The following PTCD3 variants were observed in gnomAD, a reference collection of about 807,000 sequenced individuals.
The protein encoded by PTCD3 is small ribosomal subunit protein mS39.
PTCD3 carries 89 observed loss-of-function variants against 101.9 expected under a neutral mutation model. The ratio of observed to expected loss-of-function variants is 0.87; its 90% confidence interval spans 0.74 to 1.04. The LOEUF is 1.04. PTCD3 is among the 50% of genes least tolerant of loss of function. The pLI is 0.00. For missense variants in PTCD3, 870 were observed against 828.2 expected (o/e 1.05, Z -0.62); for synonymous variants, 296 against 278.5 (o/e 1.06, Z -0.63).
chr2:86,121,221 A>G (rs1674273716), intron 7 of PTCD3, among the ~76,000 whole-genome samples: 1 of 152,214 alleles, frequency 6.6e-6, no homozygotes, highest in Non-Finnish European at 1.5e-5. Context: ...ATGAGTACAT[A>G]AAATAAGTGA....
At chr2:86,130,385 G>A (rs778252686) in intron 14 of PTCD3, among the ~76,000 whole-genome samples, 46 of 152,194 alleles carry the variant, frequency 3.0e-4, no homozygotes, top group Non-Finnish European at 2.8e-4. Flanking sequence ...CAGTAAGTCA[G>A]GCTTCATGTG....
chr2:86,127,703 C>T (rs184578991), intron 13 of PTCD3: 97 of 532,192 alleles, frequency 1.8e-4, no homozygotes, highest in African/African-American at 1.6e-3. Flanking sequence ...TTACTGTTCT[C>T]AGTGAAGAAT....
rs1028999810 is a variant in PTCD3 at position 86,138,439 on chromosome 2, T to G, written c.*880T>G. On this transcript the variant is annotated 3_prime_UTR_variant, in exon 24 of 24. Transcript: ENST00000254630. ...CATGAGGGCTTCTACCACTGACCAC[T>G]TTGCACGTACCTGGCTCCCAGATTT... 6.6e-6 allele frequency: 1 copy of G among 152,218 alleles called. No individual in the cohort carries two copies. Among genetic ancestry groups the G allele is most frequent in the East Asian group, 1.9e-4 (1 of 5,192 alleles). The allele number at this position is 152,218 out of a possible 1,614,324, so 9.4% of individuals were successfully genotyped here. A position where few individuals can be genotyped will look rare whatever the true frequency, so the allele number is the denominator to read the frequency against.
intron 22 of PTCD3, 34 bp downstream of exon 22, chr2:86,136,596 A>T: frequency 6.3e-7 from 1 of 1,593,168 alleles, no homozygotes; most frequent in Non-Finnish European, 8.6e-7. Flanking sequence ...CTTTGGGTAC[A>T]GCCTGGAAGT....
Position 86,111,118 on chromosome 2 carries a change from A to C in PTCD3, c.200A>C (p.Lys67Thr), listed in dbSNP as rs1479443179. 1.9e-6 allele frequency: 3 copies of C among 1,613,354 alleles called. No homozygotes were observed. Among genetic ancestry groups the C allele is most frequent in the Non-Finnish European group, 2.5e-6 (3 of 1,179,460 alleles). The change falls in exon 4 of 24, where the codon AAA (lysine) becomes ACA (threonine). Residue 67 changes from lysine to threonine, a missense_variant. Transcript: ENST00000254630. Reference sequence around the variant, plus strand: ...CTTGTGGTTCTTATTTTTAGGGATAAAGTAGCCGTTCTTCAGGCACTTGCA... The same window carrying C: ...CTTGTGGTTCTTATTTTTAGGGATACAGTAGCCGTTCTTCAGGCACTTGCA... ...VVIPKKKTWD[K>T]VAVLQALAST...
intron 4 of PTCD3, among the ~76,000 whole-genome samples, chr2:86,111,449 G>A (rs1209463768): frequency 1.3e-5 from 2 of 151,910 alleles, no homozygotes; most frequent in Non-Finnish European, 2.9e-5. Context: ...TTAGCCAGGC[G>A]TGGTGGCAGG....
chr2:86,108,261 G>T, intron 1 of PTCD3, 89 bp from the exon 2 acceptor site: 2 of 1,427,300 alleles, frequency 1.4e-6, no homozygotes, highest in Non-Finnish European at 1.9e-6. Context: ...GTGATAATTG[G>T]AGAATTTGGG....
chr2:86,116,381 T>C (rs1392726990), intron 4 of PTCD3, 149 bp from the exon 5 acceptor site: 6 of 609,590 alleles, frequency 9.8e-6, no homozygotes, highest in Non-Finnish European at 1.7e-5. Context: ...GCAAAAAATT[T>C]TGTGAAATGG....
chr2:86,106,420 C>T, intron 1 of PTCD3, 69 bp downstream of exon 1: 3 of 1,490,458 alleles, frequency 2.0e-6, no homozygotes, highest in South Asian at 1.2e-5. Context: ...TCCCAGCTGG[C>T]TGTGGAAGTA....
chr2:86,137,193 T>A, intron 23 of PTCD3, 53 bp downstream of exon 23: 2 of 1,502,208 alleles, frequency 1.3e-6, no homozygotes, highest in Non-Finnish European at 1.8e-6. Flanking sequence ...TTCATCCATC[T>A]GCCCATTCAA....
At position 86,135,095 on chromosome 2, in the gene PTCD3, G is replaced by A; in HGVS notation, c.1778+108G>A. On this transcript the variant is annotated intron_variant, in intron 21 of 23. Transcript: ENST00000254630. ...TCATTTGGCCACATAACACGTATTT[G>A]ATTCGGGAACTTGCAAATACCAACT... 6 of 1,315,000 alleles carry A rather than the reference G, an allele frequency of 4.6e-6. No individual in the cohort carries two copies. In the South Asian group the frequency reaches 8.4e-5, roughly 18 times the overall value. 81.5% of individuals were successfully genotyped at this position (1,315,000 alleles called of 1,614,324 possible).
chr2:86,108,320 A>G lies in PTCD3; in HGVS notation c.105-30A>G, dbSNP rs780478085. ...TGAGCTGGGTACTTCATTAATGACT[A>G]TTAGATTTAAGGCTTTTGTTTTTTT... On this transcript the variant is annotated intron_variant, in intron 1 of 23. Transcript: ENST00000254630. 2.1e-5 allele frequency: 34 copies of G among 1,597,654 alleles called. No homozygotes were observed. In the South Asian group the frequency reaches 3.1e-4, roughly 14 times the overall value.
chr2:86,136,181 A>G lies in PTCD3; in HGVS notation c.1779-340A>G, dbSNP rs979734496. ...AATACAGTTGGAGTATCCCTTTTCC[A>G]AAATGCTTAAGACCAGAAGTGTATG... On this transcript the variant is annotated intron_variant, in intron 21 of 23. Coordinates refer to ENST00000254630, the MANE Select transcript of PTCD3 (RefSeq NM_017952.6). 2.6e-5 allele frequency among the ~76,000 whole-genome samples: 4 copies of G among 152,366 alleles called. No homozygotes were observed. The East Asian group carries it at 5.8e-4, about 22-fold the overall frequency.
rs1183605324 is a variant in PTCD3 at position 86,141,304 on chromosome 2, C to G, written c.*3745C>G. The G allele has an allele frequency of 6.6e-6, 1 of 152,216 alleles. No individual in the cohort carries two copies. Among genetic ancestry groups the G allele is most frequent in the Non-Finnish European group, 1.5e-5 (1 of 68,054 alleles). 9.4% of individuals were successfully genotyped at this position (152,216 alleles called of 1,614,324 possible). A position where few individuals can be genotyped will look rare whatever the true frequency, so the allele number is the denominator to read the frequency against. On this transcript the variant is annotated 3_prime_UTR_variant, in exon 24 of 24. Coordinates refer to ENST00000254630, the MANE Select transcript of PTCD3 (RefSeq NM_017952.6). ...TCTGGATACATCAATGGGAAGGAAA[C>G]CAGGGAAGCATAGACCTATAGTACA...
chr2:86,133,020 C>G (rs946083400), intron 17 of PTCD3, 158 bp from the exon 18 acceptor site: 12 of 1,201,796 alleles, frequency 1.0e-5, no homozygotes, highest in Non-Finnish European at 1.4e-5. Context: ...TCAGCACACA[C>G]TGGCAGCTCT....
rs1163438311 is a variant in PTCD3 at position 86,141,047 on chromosome 2, A to C, written c.*3488A>C. ...AGAGTGTCCAAGAGGAGTAAAGGTC[A>C]TGACAGAATTTACTCCCAGGACAAT... On this transcript the variant is annotated 3_prime_UTR_variant, in exon 24 of 24. Coordinates refer to ENST00000254630, the MANE Select transcript of PTCD3 (RefSeq NM_017952.6). 1 of 150,838 alleles carries C rather than the reference A, an allele frequency of 6.6e-6. No homozygotes were observed. Among genetic ancestry groups the C allele is most frequent in the Non-Finnish European group, 1.5e-5 (1 of 68,038 alleles). 9.3% of individuals were successfully genotyped at this position (150,838 alleles called of 1,614,324 possible). A position where few individuals can be genotyped will look rare whatever the true frequency, so the allele number is the denominator to read the frequency against.
intron 12 of PTCD3, 47 bp downstream of exon 12, chr2:86,125,927 T>C: frequency 7.4e-7 from 1 of 1,346,834 alleles, no homozygotes; most frequent in Non-Finnish European, 1.1e-6. Flanking sequence ...TTAAATACTC[T>C]TTACCAGAAA....
rs114704410 is a variant in PTCD3 at position 86,116,136 on chromosome 2, T to C, written c.241-394T>C. On this transcript the variant is annotated intron_variant, in intron 4 of 23. Transcript: ENST00000254630. ...TTTGTCTTTTTTCTCTATATATACA[T>C]GTATATATGCCCACACACGTTTGCG... Among the ~76,000 whole-genome samples the C allele has an allele frequency of 6.9e-3, 1,045 of 152,340 alleles. 15 individuals carry two copies. Among genetic ancestry groups the C allele is most frequent in the African/African-American group, 0.023 (961 of 41,574 alleles).
chr2:86,127,541 A>G, intron 13 of PTCD3: 2 of 513,316 alleles, frequency 3.9e-6, no homozygotes, highest in East Asian at 6.6e-5. Flanking sequence ...ATCTGAGGAG[A>G]AGTGATTGCT....
Sources: allele counts gnomAD v4.1 joint callset (sites outside exome capture counted in the v4.1 genomes callset), GRCh38; gene constraint gnomAD v4.1.1; transcripts MANE v1.5; gene names NCBI Gene and HGNC (gene_info 2026-07-23, HGNC 2026-07-21).